PRR14L: variants seen among roughly 807,000 people sequenced by gnomAD.
PRR14L encodes the protein protein PRR14L.
In PRR14L, 80 loss-of-function variants were observed where a neutral mutation model predicts 155.0. The ratio of observed to expected loss-of-function variants is 0.52; its 90% CI spans 0.43 to 0.62. The LOEUF (loss-of-function observed/expected upper bound fraction) is 0.62, where lower values mean the gene tolerates loss of function less well. Ranked by LOEUF, PRR14L falls within the 20% of genes least tolerant of loss-of-function variation. The pLI, the probability that PRR14L is intolerant of heterozygous loss-of-function variation, is 0.00. For missense variants in PRR14L, 2,469 were observed against 2,548.0 expected, an observed-to-expected ratio of 0.97 and a Z score of 0.67; for synonymous variants, 883 against 916.0, an observed-to-expected ratio of 0.96 and a Z score of 0.65.
intron 7 of PRR14L, among the ~76,000 whole-genome samples, chr22:31,700,797 AC>A (rs2074559120): frequency 6.6e-6 from 1 of 151,506 alleles, no homozygotes; most frequent in Admixed American, 6.6e-5. Flanking sequence ...CTTGTGATCC[AC>A]CCGCCTTGGC....
intron 7 of PRR14L, among the ~76,000 whole-genome samples, chr22:31,690,910 G>C (rs2074507820): frequency 1.3e-5 from 2 of 151,374 alleles, no homozygotes; most frequent in African/African-American, 4.9e-5. Context: ...AAAGTGCTGG[G>C]ATTACAGCTG....
intron 2 of PRR14L, among the ~76,000 whole-genome samples, chr22:31,727,425 G>A (rs1344284096): frequency 6.6e-6 from 1 of 151,562 alleles, no homozygotes; most frequent in African/African-American, 2.4e-5. Flanking sequence ...GTAGAGACAG[G>A]GTTTCACCGT....
At chr22:31,696,223 C>T (rs1045752590) in intron 7 of PRR14L, among the ~76,000 whole-genome samples, 4 of 151,814 alleles carry the variant, frequency 2.6e-5, no homozygotes, top group Non-Finnish European at 4.4e-5. Context: ...CTCACTGCAA[C>T]CACCGCCTTT....
chr22:31,726,189 T>C (rs886947347), intron 2 of PRR14L, among the ~76,000 whole-genome samples: 1 of 151,756 alleles, frequency 6.6e-6, no homozygotes, highest in African/African-American at 2.4e-5. Context: ...GCCAAGACTG[T>C]GCGCGCTGTC....
chr22:31,719,101 A>G (rs1467200526), intron 3 of PRR14L, among the ~76,000 whole-genome samples: 2 of 151,844 alleles, frequency 1.3e-5, no homozygotes, highest in Admixed American at 1.3e-4. Context: ...ACAAAACAAA[A>G]CAAAACAATC....
rs2074458472 is a variant in PRR14L at position 31,682,301 on chromosome 22, G to A, written c.*3226C>T. On this transcript the variant is annotated 3_prime_UTR_variant, in exon 9 of 9. Transcript: ENST00000327423. Reference sequence around the variant, plus strand: ...CCCTTTCAGGCAAAATTGTGACAAAGTATCATGATTTTCACAGCTCTTGAG... The same window carrying A: ...CCCTTTCAGGCAAAATTGTGACAAAATATCATGATTTTCACAGCTCTTGAG... The A allele has an allele frequency of 6.6e-6, 1 of 152,190 alleles. No homozygotes were observed. The highest frequency in any genetic ancestry group is 2.4e-5 in the African/African-American group (1 of 41,448). 9.4% of individuals were successfully genotyped at this position (152,190 alleles called of 1,614,324 possible).
chr22:31,739,019 T>C (rs2074798203), intron 1 of PRR14L, 108 bp from the exon 2 acceptor site: 2 of 561,184 alleles, frequency 3.6e-6, no homozygotes, highest in African/African-American at 3.7e-5. Context: ...CTACTTTAAA[T>C]GCCAGCATTA....
chr22:31,717,489 G>C (rs2074666843), intron 3 of PRR14L, among the ~76,000 whole-genome samples, 198 bp from the exon 4 acceptor site: 1 of 152,204 alleles, frequency 6.6e-6, no homozygotes, highest in South Asian at 2.1e-4. Flanking sequence ...ATATCTGGCA[G>C]AAACGTAATT....
intron 2 of PRR14L, among the ~76,000 whole-genome samples, chr22:31,733,525 G>A (rs919946141): frequency 6.6e-6 from 1 of 151,912 alleles, no homozygotes; most frequent in African/African-American, 2.4e-5. Flanking sequence ...GGCTGGTCTC[G>A]AACTCCTGAT....
chr22:31,695,460 G>C (rs1279989279), intron 7 of PRR14L, among the ~76,000 whole-genome samples: 1 of 152,118 alleles, frequency 6.6e-6, no homozygotes, highest in Non-Finnish European at 1.5e-5. Context: ...CCCTAGTGGT[G>C]CGGCCAGGAC....
chr22:31,736,582 A>G (rs758928748), intron 2 of PRR14L, among the ~76,000 whole-genome samples: 4 of 152,152 alleles, frequency 2.6e-5, no homozygotes, highest in Non-Finnish European at 5.9e-5. Context: ...CCCAAAGAAC[A>G]TATGAACCTG....
chr22:31,714,454 T>C lies in PRR14L; in HGVS notation c.3385A>G (p.Lys1129Glu). 1 of 1,551,776 alleles carries C rather than the reference T, an allele frequency of 6.4e-7. No homozygotes were observed. The highest frequency in any genetic ancestry group is 8.7e-7 in the Non-Finnish European group (1 of 1,147,006). The change falls in exon 4 of 9, where the codon AAA (lysine) becomes GAA (glutamate). Residue 1129 changes from lysine to glutamate, a missense_variant. This residue lies in a region of PRR14L where 2,363 missense variants were observed against 2,371.6 expected (regional missense o/e 1.00). Coordinates refer to ENST00000327423, the MANE Select transcript of PRR14L (RefSeq NM_173566.3). ...AASTVDFLKIKKSCEENVCRS... is the reference protein window; with the variant it reads ...AASTVDFLKIEKSCEENVCRS... ...CATACGTTTTCTTCACATGATTTTTTTATTTTGAGAAAGTCCACTGTAGAA... is the reference window on the plus strand; with the variant it reads ...CATACGTTTTCTTCACATGATTTTTCTATTTTGAGAAAGTCCACTGTAGAA...
chr22:31,703,741 G>A lies in PRR14L; in HGVS notation c.5829-20C>T. 1 of 1,453,328 alleles carries A rather than the reference G, an allele frequency of 6.9e-7. No homozygotes were observed. 90.0% of individuals were successfully genotyped at this position (1,453,328 alleles called of 1,614,324 possible). A position where few individuals can be genotyped will look rare whatever the true frequency, so the allele number is the denominator to read the frequency against. ...TCCAGCCTAGCACCATGAAGAGAAA[G>A]AAGATATGAGAGGGGTTCCCTTTCT... On this transcript the variant is annotated intron_variant, in intron 5 of 8. Transcript: ENST00000327423.
At chr22:31,701,504 A>G in intron 7 of PRR14L, 152 bp downstream of exon 7, 1 of 546,108 alleles carries the variant, frequency 1.8e-6, no homozygotes, top group Non-Finnish European at 3.3e-6. Flanking sequence ...TTGCTTATAA[A>G]TATCTAGCGA....
At chr22:31,718,244 T>TTGTATTTTTACTAGA (rs1569499166) in intron 3 of PRR14L, among the ~76,000 whole-genome samples, 3 of 146,840 alleles carry the variant, frequency 2.0e-5, no homozygotes, top group African/African-American at 5.1e-5. Context: ...GCTAATTTTT[T>TTGTATTTTTACTAGA]GGGGGGGTTT....
At position 31,717,187 on chromosome 22, in the gene PRR14L, C is replaced by A; in HGVS notation, c.652G>T (p.Gly218Cys). Residue 218 changes from glycine (G) to cysteine (C), a missense_variant, in exon 4 of 9, where the codon GGC becomes TGC. Transcript: ENST00000327423. ...GCTGAGAGATCTTTACTCACATTGC[C>A]ATTTTTGTGTCCTTCATTATTATCC... ...KTDNNEGHKN[G>C]NVSKDLSAGC... is the part of the protein sequence containing the mutation. The A allele has an allele frequency of 6.4e-7, 1 of 1,552,226 alleles. No homozygotes were observed. Among genetic ancestry groups the A allele is most frequent in the Non-Finnish European group, 8.7e-7 (1 of 1,147,124 alleles).
At position 31,715,038 on chromosome 22, in the gene PRR14L, T is replaced by A. The variant is rs1309212183; in HGVS notation, c.2801A>T (p.Asn934Ile). ...HAIQELNQTVNIPGPEKVLDQ... is the reference protein window; with the variant it reads ...HAIQELNQTVIIPGPEKVLDQ... ...CAACACTTTTTCAGGACCTGGAATG[T>A]TTACAGTCTGGTTTAGTTCTTGTAT... The change falls in exon 4 of 9, where the codon AAC becomes ATC. Residue 934 changes from asparagine to isoleucine, a missense_variant. Coordinates refer to ENST00000327423, the MANE Select transcript of PRR14L (RefSeq NM_173566.3). 1 of 1,551,770 alleles carries A rather than the reference T, an allele frequency of 6.4e-7. No homozygotes were observed. The highest frequency in any genetic ancestry group is 8.7e-7 in the Non-Finnish European group (1 of 1,146,962).
intron 8 of PRR14L, among the ~76,000 whole-genome samples, chr22:31,686,527 A>G (rs572106381): frequency 6.6e-6 from 1 of 151,888 alleles, no homozygotes; most frequent in Admixed American, 6.6e-5. Context: ...CCTGGGCTCA[A>G]GCTATCCTCC....
intron 8 of PRR14L, 87 bp from the exon 9 acceptor site, chr22:31,685,890 A>G: frequency 8.0e-7 from 1 of 1,242,618 alleles, no homozygotes; most frequent in Non-Finnish European, 1.1e-6. Flanking sequence ...CGCTGGGTCA[A>G]CAACCCTTCT....
Sources: allele counts gnomAD v4.1 joint callset (sites outside exome capture counted in the v4.1 genomes callset), GRCh38; gene constraint gnomAD v4.1.1; regional missense constraint gnomAD v4.1.1; transcripts MANE v1.5; gene names NCBI Gene and HGNC (gene_info 2026-07-23, HGNC 2026-07-21).